The following FER variants were observed in gnomAD, a reference collection of about 807,000 sequenced individuals.
FER encodes the protein FER tyrosine kinase.
Under a neutral mutation model 111.0 loss-of-function variants are expected in FER, and 63 were observed. The ratio of observed to expected loss-of-function variants is 0.57; its 90% CI spans 0.46 to 0.70. The LOEUF (loss-of-function observed/expected upper bound fraction) is 0.70. Ranked by LOEUF, FER falls within the 30% of genes least tolerant of loss-of-function variation. The pLI, the probability that FER is intolerant of heterozygous loss-of-function variation, is 0.00. For synonymous variants in FER, 327 were observed against 313.9 expected, an observed-to-expected ratio of 1.04 and a Z score of -0.44; for missense variants, 914 against 954.0, an observed-to-expected ratio of 0.96 and a Z score of 0.55.
rs551235191 is a variant in FER at position 108,828,026 on chromosome 5, A to G, written c.208-4744A>G. Among the ~76,000 whole-genome samples, 4 of 151,826 alleles carry G rather than the reference A, an allele frequency of 2.6e-5. No homozygotes were observed. The South Asian group carries it at 6.2e-4, about 24-fold the overall frequency. ...TAAATTTAAAAACAAAGCTTTTCAA[A>G]TTTTTGATTAAAAATTTTTTTTTTG... is the stretch of plus-strand genomic sequence containing the variant. On this transcript the variant is annotated intron_variant, in intron 3 of 19. Transcript: ENST00000281092.
rs189805013 is a variant in FER at position 109,053,944 on chromosome 5, G to A, written c.1924+6746G>A. On this transcript the variant is annotated intron_variant, in intron 16 of 19. Transcript: ENST00000281092. ...CTGACCTCGTGATCCGCCCGCCTCG[G>A]CCTCCCAAAGTGCTAGGATTACAGA... Among the ~76,000 whole-genome samples the A allele has an allele frequency of 5.5e-3, 830 of 152,126 alleles. 8 individuals are homozygous for A. The highest frequency in any genetic ancestry group is 0.019 in the African/African-American group (804 of 41,502).
chr5:108,978,071 T>C (rs903127771), intron 13 of FER, among the ~76,000 whole-genome samples: 1 of 152,186 alleles, frequency 6.6e-6, no homozygotes, highest in African/African-American at 2.4e-5. Flanking sequence ...GGTCTTGAAC[T>C]CCTGAGCTCA....
At chr5:108,751,285 C>G (rs1456405054) in intron 1 of FER, among the ~76,000 whole-genome samples, 1 of 152,040 alleles carries the variant, frequency 6.6e-6, no homozygotes, top group African/African-American at 2.4e-5. Flanking sequence ...TACACACCAC[C>G]AAATTATAAG....
chr5:108,780,298 C>G (rs937998024), intron 2 of FER, among the ~76,000 whole-genome samples: 3 of 151,768 alleles, frequency 2.0e-5, no homozygotes, highest in Non-Finnish European at 4.4e-5. Context: ...GCAACAAATT[C>G]CCTCAATATT....
At chr5:108,763,902 C>T (rs1561382238) in intron 1 of FER, among the ~76,000 whole-genome samples, 1 of 152,194 alleles carries the variant, frequency 6.6e-6, no homozygotes, top group Non-Finnish European at 1.5e-5. Context: ...GCTTGATTGT[C>T]TAGTAGGTAC....
chr5:108,885,762 C>T (rs544565930), intron 9 of FER, among the ~76,000 whole-genome samples: 1 of 151,914 alleles, frequency 6.6e-6, no homozygotes, highest in East Asian at 1.9e-4. Flanking sequence ...TGGCAGCATA[C>T]AAACATTCAG....
At chr5:109,053,564 T>G (rs1413635360) in intron 16 of FER, among the ~76,000 whole-genome samples, 1 of 117,632 alleles carries the variant, frequency 8.5e-6, no homozygotes, top group Non-Finnish European at 1.9e-5. Context: ...TTAGCATTTC[T>G]CAGAACTCTT....
chr5:109,138,677 G>T (rs1753170831), intron 17 of FER, among the ~76,000 whole-genome samples: 1 of 152,072 alleles, frequency 6.6e-6, no homozygotes. Context: ...TTTAATATCA[G>T]TCAGCTATCC....
intron 2 of FER, among the ~76,000 whole-genome samples, chr5:108,778,295 A>G (rs1037516003): frequency 6.6e-6 from 1 of 152,198 alleles, no homozygotes; most frequent in African/African-American, 2.4e-5. Flanking sequence ...GTGGATATAA[A>G]ATTTCAACTC....
intron 16 of FER, among the ~76,000 whole-genome samples, chr5:109,059,886 T>G (rs1774160590): frequency 6.6e-6 from 1 of 152,328 alleles, no homozygotes; most frequent in Admixed American, 6.5e-5. Context: ...TGTAAATGAT[T>G]ATAGAAGCAT....
intron 17 of FER, among the ~76,000 whole-genome samples, chr5:109,162,208 T>C (rs1756065602): frequency 6.6e-6 from 1 of 151,996 alleles, no homozygotes; most frequent in Non-Finnish European, 1.5e-5. Context: ...TTAAAACAAA[T>C]AGGGAATCTC....
chr5:109,097,931 G>A lies in FER; in HGVS notation c.1925-2465G>A, dbSNP rs184303640. On this transcript the variant is annotated intron_variant, in intron 16 of 19. Transcript: ENST00000281092. ...ACTAGGCTTGTGGAATGGTGGAATT[G>A]TGTTCCTTTACTTAGTATTTGTATA... Among the ~76,000 whole-genome samples the A allele has an allele frequency of 1.6e-3, 244 of 151,892 alleles. 1 individual carries two copies. The highest frequency in any genetic ancestry group is 5.6e-3 in the African/African-American group (232 of 41,512).
intron 2 of FER, chr5:108,785,607 A>AG (rs1754621452): frequency 4.8e-6 from 2 of 418,388 alleles, no homozygotes; most frequent in Non-Finnish European, 9.3e-6. Context: ...GAAAAAAAAA[A>AG]GTGGGGAGTC....
intron 13 of FER, among the ~76,000 whole-genome samples, chr5:109,020,792 A>G (rs926268410): frequency 2.6e-5 from 4 of 152,068 alleles, no homozygotes; most frequent in Non-Finnish European, 5.9e-5. Flanking sequence ...ACCTTGCCAA[A>G]CTAAAGGCCT....
chr5:108,899,366 T>G (rs1225892841), intron 10 of FER, among the ~76,000 whole-genome samples: 7 of 152,334 alleles, frequency 4.6e-5, no homozygotes, highest in African/African-American at 1.7e-4. Flanking sequence ...GATAAGTATC[T>G]GGCATATGTG....
chr5:108,758,605 A>G (rs1369805527), intron 1 of FER, among the ~76,000 whole-genome samples: 1 of 152,194 alleles, frequency 6.6e-6, no homozygotes, highest in Non-Finnish European at 1.5e-5. Flanking sequence ...AGTTCTAGCA[A>G]AAGTTCCAGG....
intron 13 of FER, among the ~76,000 whole-genome samples, chr5:108,979,729 A>G (rs538901969): frequency 3.5e-4 from 50 of 143,204 alleles, no homozygotes; most frequent in African/African-American, 1.1e-3. Flanking sequence ...ACTAAGGGCC[A>G]TGAGGCATTG....
intron 16 of FER, among the ~76,000 whole-genome samples, chr5:109,052,949 CCT>C (rs1157521449): frequency 1.3e-5 from 2 of 152,158 alleles, no homozygotes; most frequent in African/African-American, 4.8e-5. Context: ...AGTTTGAATG[CCT>C]CTTTTACCCA....
At chr5:108,980,501 C>G (rs1761908761) in intron 13 of FER, among the ~76,000 whole-genome samples, 1 of 152,042 alleles carries the variant, frequency 6.6e-6, no homozygotes, top group Non-Finnish European at 1.5e-5. Context: ...CAGAAATATT[C>G]CAAGCCAAAA....
Sources: allele counts gnomAD v4.1 joint callset (sites outside exome capture counted in the v4.1 genomes callset), GRCh38; gene constraint gnomAD v4.1.1; transcripts MANE v1.5; gene names NCBI Gene and HGNC (gene_info 2026-07-23, HGNC 2026-07-21).